The following NFKB1 variants were observed in gnomAD, a reference collection of about 807,000 sequenced individuals.
NFKB1 encodes nuclear factor NF-kappa-B p105 subunit.
Under a neutral mutation model 105.1 loss-of-function variants are expected in NFKB1, and 9 were observed. That is an observed-to-expected ratio of 0.09 (90% CI 0.05 to 0.15). NFKB1 has a LOEUF of 0.15. Ranked by LOEUF, NFKB1 falls within the 10% of genes least tolerant of loss-of-function variation. The pLI is 1.00. For synonymous variants in NFKB1, 440 were observed against 442.2 expected (o/e 1.00, Z 0.06); for missense variants, 830 against 1,203.7 (o/e 0.69, Z 4.59).
chr4:102,613,679 G>A lies in NFKB1; in HGVS notation c.2749+98G>A, dbSNP rs113594521. ...ATATGGTGTGGCAGTTTTCTTTCTC[G>A]TTTTCTGGATACACTTCCCTGTGTG... is the stretch of plus-strand genomic sequence containing the variant. On this transcript the variant is annotated intron_variant, in intron 23 of 23. Coordinates refer to ENST00000226574, the MANE Select transcript of NFKB1 (RefSeq NM_003998.4). 365 of 1,369,212 alleles carry A rather than the reference G, an allele frequency of 2.7e-4. 1 individual carries two copies. The highest frequency in any genetic ancestry group is 3.3e-4 in the Non-Finnish European group (334 of 1,012,398). 84.8% of individuals were successfully genotyped at this position (1,369,212 alleles called of 1,614,324 possible).
intron 5 of NFKB1, among the ~76,000 whole-genome samples, chr4:102,544,986 T>G (rs903985487): frequency 6.6e-6 from 1 of 152,158 alleles, no homozygotes; most frequent in Non-Finnish European, 1.5e-5. Flanking sequence ...AAATCTCTGG[T>G]GGCTTCTTTT....
At chr4:102,577,149 T>C in intron 7 of NFKB1, 110 bp downstream of exon 7, 1 of 1,137,724 alleles carries the variant, frequency 8.8e-7, no homozygotes, top group African/African-American at 1.6e-5. Flanking sequence ...CCCACACTGC[T>C]GTCACCTTTT....
intron 16 of NFKB1, among the ~76,000 whole-genome samples, chr4:102,604,104 G>C (rs1004369357): frequency 2.6e-5 from 4 of 152,112 alleles, no homozygotes; most frequent in Admixed American, 2.0e-4. Flanking sequence ...GAAAGTCAAA[G>C]TTGCCCACCC....
chr4:102,545,930 C>T (rs1051710868), intron 5 of NFKB1, among the ~76,000 whole-genome samples: 8 of 152,032 alleles, frequency 5.3e-5, no homozygotes, highest in African/African-American at 1.2e-4. Flanking sequence ...TACGGCACAA[C>T]GTGGAAAACT....
Position 102,579,222 on chromosome 4 carries a change from A to G in NFKB1, c.730+183A>G, listed in dbSNP as rs78492053. Among the ~76,000 whole-genome samples, 1,323 of 152,282 alleles carry G rather than the reference A, an allele frequency of 8.7e-3. 9 individuals are homozygous for G. The highest frequency in any genetic ancestry group is 0.015 in the Non-Finnish European group (1,045 of 68,032). On this transcript the variant is annotated intron_variant, in intron 8 of 23. Coordinates refer to ENST00000226574, the MANE Select transcript of NFKB1 (RefSeq NM_003998.4). ...GGTTGATGTCCAGGTTAAATGAGGT[A>G]TTTTAAGAGGGGCTCAATACATGTA... is the stretch of plus-strand genomic sequence containing the variant.
intron 3 of NFKB1, among the ~76,000 whole-genome samples, chr4:102,530,338 C>T (rs1447608817): frequency 6.6e-6 from 1 of 152,144 alleles, no homozygotes; most frequent in Non-Finnish European, 1.5e-5. Flanking sequence ...TAAAAATCAT[C>T]TCATTAGAAA....
At position 102,529,831 on chromosome 4, in the gene NFKB1, T is replaced by C. The variant is rs767999890; in HGVS notation, c.40-5T>C. The C allele has an allele frequency of 2.1e-5, 33 of 1,581,654 alleles. No individual in the cohort carries two copies. The highest frequency in any genetic ancestry group is 2.7e-5 in the Non-Finnish European group (31 of 1,154,844). ...ATTGAAACATTTAAATGTTCTTCTTTACAGATGTTTCATTTGGATCCTTCT... is the reference window on the plus strand; with the variant it reads ...ATTGAAACATTTAAATGTTCTTCTTCACAGATGTTTCATTTGGATCCTTCT... On this transcript the variant is annotated splice_region_variant and splice_polypyrimidine_tract_variant and intron_variant, in intron 2 of 23. Coordinates refer to ENST00000226574, the MANE Select transcript of NFKB1 (RefSeq NM_003998.4).
intron 5 of NFKB1, among the ~76,000 whole-genome samples, chr4:102,551,722 T>G (rs758825558): frequency 1.1e-4 from 17 of 152,130 alleles, no homozygotes; most frequent in Non-Finnish European, 2.5e-4. Flanking sequence ...CCAGGGATCT[T>G]TCACCAAACA....
At chr4:102,571,819 T>G (rs1330746875) in intron 6 of NFKB1, among the ~76,000 whole-genome samples, 1 of 152,168 alleles carries the variant, frequency 6.6e-6, no homozygotes, top group East Asian at 1.9e-4. Context: ...TGGCAATCAT[T>G]AAAAAGTCGA....
At chr4:102,506,530 T>A (rs1324532494) in intron 1 of NFKB1, among the ~76,000 whole-genome samples, 1 of 152,220 alleles carries the variant, frequency 6.6e-6, no homozygotes, top group Non-Finnish European at 1.5e-5. Flanking sequence ...AGCTGGGGCC[T>A]CATCCTAGCA....
chr4:102,523,728 A>G (rs1355903717), intron 1 of NFKB1, among the ~76,000 whole-genome samples: 2 of 152,106 alleles, frequency 1.3e-5, no homozygotes, highest in Non-Finnish European at 2.9e-5. Flanking sequence ...CTAGGCTATT[A>G]ATCATCATGT....
At chr4:102,584,562 C>T in intron 10 of NFKB1, 120 bp from the exon 11 acceptor site, 7 of 952,160 alleles carry the variant, frequency 7.4e-6, no homozygotes, top group Non-Finnish European at 1.0e-5. Context: ...TTTTTTAGTA[C>T]ACTGTGTCTA....
At chr4:102,583,236 T>C (rs577578600) in intron 10 of NFKB1, among the ~76,000 whole-genome samples, 2 of 152,310 alleles carry the variant, frequency 1.3e-5, no homozygotes, top group East Asian at 1.9e-4. Context: ...TTATCCCACA[T>C]TGGCCTCCCA....
At chr4:102,578,506 T>A (rs941288170) in intron 7 of NFKB1, 1 of 243,216 alleles carries the variant, frequency 4.1e-6, no homozygotes, top group African/African-American at 2.2e-5. Flanking sequence ...TTGGAATAAT[T>A]TGCACACTTC....
chr4:102,607,873 AT>A (rs1368535522), intron 19 of NFKB1, 122 bp downstream of exon 19: 3 of 790,832 alleles, frequency 3.8e-6, no homozygotes, highest in Admixed American at 2.0e-5. Flanking sequence ...ACAAGGGTAA[AT>A]AAAAATTATA....
At chr4:102,541,816 G>A (rs1217152149) in intron 5 of NFKB1, among the ~76,000 whole-genome samples, 1 of 152,140 alleles carries the variant, frequency 6.6e-6, no homozygotes, top group Non-Finnish European at 1.5e-5. Flanking sequence ...AAAATGCCAT[G>A]GGCTGTGCTT....
At chr4:102,554,169 G>T (rs1722816548) in intron 5 of NFKB1, among the ~76,000 whole-genome samples, 1 of 152,072 alleles carries the variant, frequency 6.6e-6, no homozygotes, top group Non-Finnish European at 1.5e-5. Context: ...GGCCCAAAGA[G>T]GTTAGGTGAC....
intron 23 of NFKB1, 62 bp downstream of exon 23, chr4:102,613,643 G>A (rs777422360): frequency 3.9e-6 from 6 of 1,538,914 alleles, no homozygotes; most frequent in African/African-American, 2.7e-5. Flanking sequence ...GGTGTCTTCA[G>A]CTCTTTTTGG....
chr4:102,512,173 T>C (rs559318470), intron 1 of NFKB1, among the ~76,000 whole-genome samples: 215 of 152,336 alleles, frequency 1.4e-3, no homozygotes, highest in African/African-American at 4.8e-3. Context: ...TTATTACTTA[T>C]GAATGTAAAA....
Sources: allele counts gnomAD v4.1 joint callset (sites outside exome capture counted in the v4.1 genomes callset), GRCh38; gene constraint gnomAD v4.1.1; transcripts MANE v1.5; gene names NCBI Gene and HGNC (gene_info 2026-07-23, HGNC 2026-07-21).